Variants in TSGA10 observed in about 807,000 individuals in gnomAD.
TSGA10 encodes testis specific 10.
Under a neutral mutation model 96.6 loss-of-function variants are expected in TSGA10, and 43 were observed. That is an observed-to-expected ratio of 0.44 (90% CI 0.35 to 0.57). TSGA10 has a LOEUF of 0.57. TSGA10 is among the 20% of genes least tolerant of loss of function. TSGA10 has a pLI of 0.01. For synonymous variants in TSGA10, 229 were observed against 269.9 expected, an observed-to-expected ratio of 0.85 and a Z score of 1.48; for missense variants, 703 against 834.4, an observed-to-expected ratio of 0.84 and a Z score of 1.94.
chr2:99,118,730 G>A (rs1350226797), intron 2 of TSGA10, 44 bp from the exon 3 acceptor site: 1 of 940,238 alleles, frequency 1.1e-6, no homozygotes, highest in East Asian at 1.2e-4. Flanking sequence ...CAATGATTAT[G>A]TCAGGAACTA....
At chr2:99,064,830 C>T (rs952193082) in intron 16 of TSGA10, 109 bp downstream of exon 16, 5 of 908,410 alleles carry the variant, frequency 5.5e-6, no homozygotes, top group African/African-American at 1.7e-5. Flanking sequence ...ATTCACAGTA[C>T]ATTTAAATAA....
intron 10 of TSGA10, chr2:99,102,740 C>T: frequency 5.0e-6 from 8 of 1,606,276 alleles, no homozygotes; most frequent in Non-Finnish European, 6.8e-6. Flanking sequence ...AAGATGATAC[C>T]ACACATGGTT....
chr2:99,005,094 G>A (rs549670263), intron 20 of TSGA10, among the ~76,000 whole-genome samples: 12 of 152,046 alleles, frequency 7.9e-5, no homozygotes, highest in Admixed American at 5.2e-4. Context: ...ATTCAACAAC[G>A]CTTCATGCTA....
intron 10 of TSGA10, chr2:99,101,995 A>C: frequency 9.5e-7 from 1 of 1,051,280 alleles, no homozygotes; most frequent in South Asian, 1.3e-5. Context: ...ACAATACCGG[A>C]TTATACACTT....
intron 4 of TSGA10, among the ~76,000 whole-genome samples, chr2:99,113,736 C>A (rs7584809): frequency 0.6 from 89,460 of 150,344 alleles, 27,394 homozygotes; most frequent in East Asian, 0.89. Context: ...TAGTAGAGAC[C>A]GGGTTTCATC....
chr2:99,034,327 G>A (rs1165420252), intron 17 of TSGA10, among the ~76,000 whole-genome samples: 1 of 151,964 alleles, frequency 6.6e-6, no homozygotes, highest in African/African-American at 2.4e-5. Flanking sequence ...GCTTGAACCA[G>A]GGAGTCGGAG....
chr2:99,094,122 G>A lies in TSGA10; in HGVS notation c.611+9845C>T, dbSNP rs375998781. Among the ~76,000 whole-genome samples, 7 of 152,058 alleles carry A rather than the reference G, an allele frequency of 4.6e-5. No homozygotes were observed. In the South Asian group the frequency reaches 6.2e-4, roughly 13 times the overall value. On this transcript the variant is annotated intron_variant, in intron 10 of 20. Coordinates refer to ENST00000393483, the MANE Select transcript of TSGA10 (RefSeq NM_025244.4). ...AAATGCTTAAAGCCAACTGATCTTCGACAAAGCAAACAAAAATATGAAGTA... is the reference window on the plus strand; with the variant it reads ...AAATGCTTAAAGCCAACTGATCTTCAACAAAGCAAACAAAAATATGAAGTA...
chr2:99,120,205 A>C (rs2092498313), intron 2 of TSGA10, among the ~76,000 whole-genome samples: 1 of 152,198 alleles, frequency 6.6e-6, no homozygotes, highest in African/African-American at 2.4e-5. Context: ...ATAATCCTCA[A>C]ATTATTAAGT....
Position 99,108,956 on chromosome 2 carries a change from T to G in TSGA10, c.87A>C (p.Thr29=), listed in dbSNP as rs754012418. The change falls in exon 7 of 21, where the codon ACA becomes ACC. Residue 29 remains threonine (T), a synonymous_variant. Transcript: ENST00000393483. ...ATTTAAGTTCTTCACGATCTCTTGT[T>G]GTTGTCTTCAAAAGTTCTACATCAC... is the stretch of plus-strand genomic sequence containing the variant. The part of the protein sequence containing the change: ...ANCDVELLKT[T]TRDREELKCM... 6.3e-7 allele frequency: 1 copy of G among 1,595,006 alleles called. No homozygotes were observed. Among genetic ancestry groups the G allele is most frequent in the Non-Finnish European group, 8.5e-7 (1 of 1,174,776 alleles).
At chr2:99,040,208 C>G (rs1353228299) in intron 16 of TSGA10, among the ~76,000 whole-genome samples, 1 of 152,112 alleles carries the variant, frequency 6.6e-6, no homozygotes, top group Non-Finnish European at 1.5e-5. Context: ...AGAACTAGAA[C>G]AAGACAAGAA....
intron 1 of TSGA10, among the ~76,000 whole-genome samples, chr2:99,133,118 T>C (rs1245550053): frequency 6.6e-6 from 1 of 152,178 alleles, no homozygotes; most frequent in Non-Finnish European, 1.5e-5. Context: ...GTTGGTCCAG[T>C]GCTAAGTTCA....
chr2:99,007,156 G>C (rs961473622), intron 20 of TSGA10, among the ~76,000 whole-genome samples: 3 of 152,078 alleles, frequency 2.0e-5, no homozygotes, highest in Non-Finnish European at 4.4e-5. Flanking sequence ...GTGGGAGGAG[G>C]GGGGAGGGAT....
At chr2:99,038,336 T>C (rs2081858045) in intron 16 of TSGA10, among the ~76,000 whole-genome samples, 1 of 152,186 alleles carries the variant, frequency 6.6e-6, no homozygotes, top group African/African-American at 2.4e-5. Flanking sequence ...ATGGTCTAAA[T>C]GCTCTACCTA....
rs79137048 is a variant in TSGA10 at position 99,124,439 on chromosome 2, T to C, written c.-492+2609A>G. On this transcript the variant is annotated intron_variant, in intron 2 of 20. Coordinates refer to ENST00000393483, the MANE Select transcript of TSGA10 (RefSeq NM_025244.4). ...TTAACAGACTAAGTTTTTGGAGTAGTTTTAGGTTTACAAAAAATTGATTAG... is the reference window on the plus strand; with the variant it reads ...TTAACAGACTAAGTTTTTGGAGTAGCTTTAGGTTTACAAAAAATTGATTAG... Among the ~76,000 whole-genome samples the C allele has an allele frequency of 2.5e-3, 384 of 152,292 alleles. 1 individual carries two copies. The highest frequency in any genetic ancestry group is 8.7e-3 in the African/African-American group (363 of 41,552).
rs200854919 is a variant in TSGA10 at position 99,027,674 on chromosome 2, AATT to A, written c.1615-7195_1615-7193del. Among the ~76,000 whole-genome samples, 1,211 of 152,266 alleles carry A rather than the reference AATT, an allele frequency of 8.0e-3. 18 individuals carry two copies. Among genetic ancestry groups the A allele is most frequent in the African/African-American group, 0.028 (1,143 of 41,536 alleles). ...CACATTATACTCCATAAATATACAT[AATT>A]ATTATTTGTCAACTAAAAAAAGAAA... On this transcript the variant is annotated intron_variant, in intron 17 of 20. Transcript: ENST00000393483.
chr2:99,031,543 C>T (rs2081133811), intron 17 of TSGA10, among the ~76,000 whole-genome samples: 1 of 152,000 alleles, frequency 6.6e-6, no homozygotes, highest in Non-Finnish European at 1.5e-5. Context: ...GAGAAAGACC[C>T]TGTTAAGAGA....
intron 20 of TSGA10, among the ~76,000 whole-genome samples, chr2:99,001,122 G>C (rs2077865605): frequency 6.6e-6 from 1 of 152,170 alleles, no homozygotes; most frequent in Non-Finnish European, 1.5e-5. Context: ...AGAGAGCAGT[G>C]GTTCTCCCAG....
chr2:99,012,873 T>C (rs1368799572), intron 20 of TSGA10, among the ~76,000 whole-genome samples: 1 of 152,188 alleles, frequency 6.6e-6, no homozygotes. Context: ...CTGCAGAATA[T>C]AAATTCTTTT....
intron 16 of TSGA10, among the ~76,000 whole-genome samples, chr2:99,044,240 G>A (rs2082508356): frequency 6.6e-6 from 1 of 151,542 alleles, no homozygotes; most frequent in Non-Finnish European, 1.5e-5. Flanking sequence ...TGGCAAATTG[G>A]ATAGTCAAGA....
Sources: allele counts gnomAD v4.1 joint callset (sites outside exome capture counted in the v4.1 genomes callset), GRCh38; gene constraint gnomAD v4.1.1; transcripts MANE v1.5; gene names NCBI Gene and HGNC (gene_info 2026-07-23, HGNC 2026-07-21).